SRSF9: variants seen among roughly 807,000 people sequenced by gnomAD.
The protein encoded by SRSF9 is serine/arginine-rich splicing factor 9.
Under a neutral mutation model 25.9 loss-of-function variants are expected in SRSF9, and 3 were observed. That is an observed-to-expected ratio of 0.12 (90% CI 0.05 to 0.30). The LOEUF (loss-of-function observed/expected upper bound fraction) is 0.30, where lower values mean the gene tolerates loss of function less well. Among genes scored for constraint, SRSF9 ranks in the 10% least tolerant of loss-of-function variants. The pLI is 1.00. For synonymous variants in SRSF9, 114 were observed against 113.2 expected (o/e 1.01, Z -0.05); for missense variants, 161 against 303.5 (o/e 0.53, Z 3.49).
chr12:120,462,154 A>C lies in SRSF9; in HGVS notation c.531T>G (p.Thr177=), dbSNP rs778875064. 5 of 1,610,752 alleles carry C rather than the reference A, an allele frequency of 3.1e-6. No homozygotes were observed. In the African/African-American group the frequency reaches 6.7e-5, roughly 22 times the overall value. The change falls in exon 4 of 4, where the codon ACT becomes ACG. Residue 177 remains threonine (T), a synonymous_variant. Coordinates refer to ENST00000229390, the MANE Select transcript of SRSF9 (RefSeq NM_003769.3). ...TCTCAGGATAAACTCGGATGTAGGA[A>C]GTTTCACCCTGAAATGCAAACAAAA... The part of the protein sequence containing the change: ...DTKFRSHEGE[T]SYIRVYPERS...
At chr12:120,466,576 C>T (rs1275859939) in intron 1 of SRSF9, among the ~76,000 whole-genome samples, 2 of 151,686 alleles carry the variant, frequency 1.3e-5, no homozygotes, top group Non-Finnish European at 2.9e-5. Context: ...CTTGCTCTGT[C>T]ACCAAGGCTG....
At chr12:120,467,620 G>A (rs1030957377) in intron 1 of SRSF9, among the ~76,000 whole-genome samples, 1 of 152,126 alleles carries the variant, frequency 6.6e-6, no homozygotes, top group African/African-American at 2.4e-5. Flanking sequence ...TGAACAGTAT[G>A]CCTATCTCAC....
At position 120,461,969 on chromosome 12, in the gene SRSF9, A is replaced by G. The variant is rs372204543; in HGVS notation, c.*50T>C. 169 of 1,540,186 alleles carry G rather than the reference A, an allele frequency of 1.1e-4. No homozygotes were observed. The African/African-American group carries it at 2.1e-3, about 19-fold the overall frequency. On this transcript the variant is annotated 3_prime_UTR_variant, in exon 4 of 4. Transcript: ENST00000229390. ...ATCTGGAATGTAGATTCTGAGCACA[A>G]AGCAGCTCAGTTAACCTAAAAAATA...
In SRSF9 at chr12:120,461,710, C is replaced by T. The variant is rs1245159897; in HGVS notation, c.*309G>A. 3 of 205,748 alleles carry T rather than the reference C, an allele frequency of 1.5e-5. No individual in the cohort carries two copies. The highest frequency in any genetic ancestry group is 2.9e-5 in the Non-Finnish European group (3 of 104,226). The allele number at this position is 205,748 out of a possible 1,614,324, so 12.7% of individuals were successfully genotyped here. A position where few individuals can be genotyped will look rare whatever the true frequency, so the allele number is the denominator to read the frequency against. On this transcript the variant is annotated 3_prime_UTR_variant, in exon 4 of 4. Transcript: ENST00000229390. ...AAAATATATTTCTAAACAGAATGGG[C>T]CGACTCAGTCACAGTAACTGTTGAT...
At chr12:120,463,624 T>C (rs182039749) in intron 3 of SRSF9, 11 of 186,814 alleles carry the variant, frequency 5.9e-5, no homozygotes, top group Non-Finnish European at 7.8e-5. Flanking sequence ...TACTGCCATT[T>C]AAGCTGGTTG....
Position 120,465,756 on chromosome 12 carries a change from C to A in SRSF9, c.220G>T (p.Gly74Cys). 1.3e-6 allele frequency: 2 copies of A among 1,596,526 alleles called. No individual in the cohort carries two copies. The highest frequency in any genetic ancestry group is 1.8e-5 in the Admixed American group (1 of 54,900). ...AGCCGACACTGGCCATAATCATAAC[C>A]ATTTCTTCCATAAATAGCATCCTCT... ...DAEDAIYGRN[G>C]YDYGQCRLRV... The change falls in exon 2 of 4, where the codon GGT (glycine) becomes TGT (cysteine). Residue 74 changes from glycine (G) to cysteine (C), a missense_variant. This residue lies in a region of SRSF9 where 99 missense variants were observed against 156.7 expected (regional missense o/e 0.63). Transcript: ENST00000229390.
intron 3 of SRSF9, chr12:120,462,503 CAG>C (rs1332798255): frequency 5.2e-6 from 1 of 193,754 alleles, no homozygotes; most frequent in Non-Finnish European, 1.1e-5. Flanking sequence ...GAAAGGATCT[CAG>C]GGGTCATATA....
chr12:120,469,324 G>A, intron 1 of SRSF9, 98 bp downstream of exon 1: 1 of 782,786 alleles, frequency 1.3e-6, no homozygotes, highest in Non-Finnish European at 1.9e-6. Flanking sequence ...GCGGGGGGAG[G>A]GGAGGCCGGG....
rs764604138 is a variant in SRSF9, at chr12:120,469,589, C to T, written c.21G>A (p.Glu7=). Reference sequence around the variant, plus strand: ...TGCGCCCGTCGCCCTCGCCGCCGCGCTCGTCCGCCCAGCCCGACATCCGCA... The same window carrying T: ...TGCGCCCGTCGCCCTCGCCGCCGCGTTCGTCCGCCCAGCCCGACATCCGCA... The part of the protein sequence containing the change: MSGWAD[E]RGGEGDGRIY... Residue 7 remains glutamate, a synonymous_variant, in exon 1 of 4, where the codon GAG becomes GAA. Transcript: ENST00000229390. 9 of 1,530,318 alleles carry T rather than the reference C, an allele frequency of 5.9e-6. No individual in the cohort carries two copies. The highest frequency in any genetic ancestry group is 1.7e-4 in the Middle Eastern group (1 of 5,830). 94.8% of individuals were successfully genotyped at this position (1,530,318 alleles called of 1,614,324 possible).
intron 3 of SRSF9, chr12:120,463,257 T>A (rs1451751525): frequency 1.3e-5 from 2 of 152,086 alleles, no homozygotes; most frequent in Non-Finnish European, 2.9e-5. Context: ...AAGGGTGACA[T>A]AATCAACCAC....
intron 1 of SRSF9, among the ~76,000 whole-genome samples, chr12:120,469,148 G>A (rs1315941636): frequency 6.6e-6 from 1 of 152,234 alleles, no homozygotes; most frequent in Non-Finnish European, 1.5e-5. Context: ...GGCCGGTGCA[G>A]GCGGGCTTGG....
At chr12:120,468,317 T>C (rs1399522989) in intron 1 of SRSF9, among the ~76,000 whole-genome samples, 3 of 152,026 alleles carry the variant, frequency 2.0e-5, no homozygotes, top group African/African-American at 7.2e-5. Flanking sequence ...ATACACACCA[T>C]GGCACTTGAC....
chr12:120,465,151 C>T (rs1054598503), intron 2 of SRSF9: 1 of 152,274 alleles, frequency 6.6e-6, no homozygotes, highest in African/African-American at 2.4e-5. Context: ...AAACACTAGA[C>T]AGAAATAGTC....
At chr12:120,468,471 T>C (rs1260104020) in intron 1 of SRSF9, among the ~76,000 whole-genome samples, 1 of 152,212 alleles carries the variant, frequency 6.6e-6, no homozygotes, top group African/African-American at 2.4e-5. Flanking sequence ...AGTCGACTCT[T>C]CAGCCATCAA....
intron 1 of SRSF9, 122 bp downstream of exon 1, chr12:120,469,300 G>A (rs1355932844): frequency 6.6e-6 from 4 of 602,714 alleles, no homozygotes; most frequent in South Asian, 2.4e-5. Context: ...GCGCCGTGAG[G>A]GGTCTGCGCG....
At chr12:120,466,147 G>GA (rs931170916) in intron 1 of SRSF9, among the ~76,000 whole-genome samples, 1 of 152,072 alleles carries the variant, frequency 6.6e-6, no homozygotes, top group Non-Finnish European at 1.5e-5. Context: ...GCATTTTCTC[G>GA]AAAAGCACAC....
intron 2 of SRSF9, 109 bp from the exon 3 acceptor site, chr12:120,464,231 G>A: frequency 1.5e-6 from 2 of 1,297,640 alleles, no homozygotes; most frequent in Non-Finnish European, 2.1e-6. Flanking sequence ...AAATCCTGAG[G>A]GTCCCCAAAT....
At chr12:120,469,150 C>T (rs757448340) in intron 1 of SRSF9, among the ~76,000 whole-genome samples, 1 of 152,160 alleles carries the variant, frequency 6.6e-6, no homozygotes, top group African/African-American at 2.4e-5. Flanking sequence ...CCGGTGCAGG[C>T]GGGCTTGGGC....
chr12:120,464,183 A>C, intron 2 of SRSF9, 61 bp from the exon 3 acceptor site: 1 of 1,545,638 alleles, frequency 6.5e-7, no homozygotes, highest in Non-Finnish European at 8.7e-7. Context: ...CCCTGTTAAG[A>C]GCCAGCAATA....
Sources: gnomAD v4.1 joint callset for allele counts (sites outside exome capture counted in the v4.1 genomes callset) on GRCh38, gnomAD v4.1.1 for gene constraint, gnomAD v4.1.1 regional missense constraint, MANE v1.5 for transcripts, NCBI Gene and HGNC (gene_info 2026-07-23, HGNC 2026-07-21) for gene names.